The following NKAIN2 variants were observed in gnomAD, a reference collection of about 807,000 sequenced individuals.
The protein encoded by NKAIN2 is sodium/potassium transporting ATPase interacting 2, also known as sodium/potassium-transporting ATPase subunit beta-1-interacting protein 2.
In NKAIN2, 14 loss-of-function variants were observed where a neutral mutation model predicts 32.6. That is an observed-to-expected ratio of 0.43 (90% CI 0.28 to 0.67). The LOEUF (loss-of-function observed/expected upper bound fraction) is 0.67. Among genes scored for constraint, NKAIN2 ranks in the 30% least tolerant of loss-of-function variants. The pLI is 0.17. For synonymous variants in NKAIN2, 80 were observed against 87.2 expected, an observed-to-expected ratio of 0.92 and a Z score of 0.46; for missense variants, 198 against 258.3, an observed-to-expected ratio of 0.77 and a Z score of 1.60.
At chr6:123,984,137 C>T (rs969438764) in intron 1 of NKAIN2, among the ~76,000 whole-genome samples, 2 of 152,112 alleles carry the variant, frequency 1.3e-5, no homozygotes, top group East Asian at 1.9e-4. Flanking sequence ...AAACTCTTGA[C>T]CTCAGGTGAT....
rs189022204 is a variant in NKAIN2 at position 124,103,833 on chromosome 6, A to T, written c.55-179172A>T. 2.6e-5 allele frequency among the ~76,000 whole-genome samples: 4 copies of T among 152,260 alleles called. No homozygotes were observed. The South Asian group carries it at 6.2e-4, about 24-fold the overall frequency. On this transcript the variant is annotated intron_variant, in intron 1 of 6. Coordinates refer to ENST00000368417, the MANE Select transcript of NKAIN2 (RefSeq NM_001040214.3). The stretch of plus-strand genomic sequence containing the variant: ...CCGGGTGCGGTGGCTCATGCCTGTA[A>T]TCCCAGCACTTTGAGAGGCCGAGGT...
chr6:124,461,915 T>TAA (rs566132557), intron 3 of NKAIN2, among the ~76,000 whole-genome samples: 2 of 139,818 alleles, frequency 1.4e-5, no homozygotes, highest in Non-Finnish European at 3.2e-5. Context: ...TTGAGGTTAA[T>TAA]AAAAAAAAAA....
chr6:124,379,169 G>GA (rs1800135987), intron 3 of NKAIN2, among the ~76,000 whole-genome samples: 2 of 12,930 alleles, frequency 1.5e-4, no homozygotes, highest in Non-Finnish European at 1.7e-4. Flanking sequence ...GGAGGGGAGG[G>GA]AGGGAGGGAA....
At chr6:124,187,669 T>C (rs1789811597) in intron 1 of NKAIN2, among the ~76,000 whole-genome samples, 1 of 152,214 alleles carries the variant, frequency 6.6e-6, no homozygotes, top group African/African-American at 2.4e-5. Flanking sequence ...ATTCTCTGTC[T>C]ACCGTCCATT....
chr6:123,876,134 A>G (rs941770797), intron 1 of NKAIN2, among the ~76,000 whole-genome samples: 1 of 152,096 alleles, frequency 6.6e-6, no homozygotes, highest in Admixed American at 6.5e-5. Flanking sequence ...TTTCACTGGA[A>G]TTTCATTAAA....
intron 3 of NKAIN2, among the ~76,000 whole-genome samples, chr6:124,381,820 A>G (rs1415450568): frequency 6.6e-6 from 1 of 152,182 alleles, no homozygotes; most frequent in African/African-American, 2.4e-5. Flanking sequence ...TGTAAATGTT[A>G]CTTTTAAGCA....
chr6:124,430,843 C>A (rs1775187851), intron 3 of NKAIN2, among the ~76,000 whole-genome samples: 1 of 152,158 alleles, frequency 6.6e-6, no homozygotes, highest in African/African-American at 2.4e-5. Flanking sequence ...TATACATTTT[C>A]TAACACAGAG....
intron 3 of NKAIN2, among the ~76,000 whole-genome samples, chr6:124,396,914 TATTA>T (rs1234254849): frequency 6.6e-6 from 1 of 152,202 alleles, no homozygotes; most frequent in African/African-American, 2.4e-5. Flanking sequence ...TATGGAGAAG[TATTA>T]ATTATCATCA....
At chr6:124,607,796 G>A (rs1325765061) in intron 3 of NKAIN2, among the ~76,000 whole-genome samples, 1 of 151,922 alleles carries the variant, frequency 6.6e-6, no homozygotes, top group Non-Finnish European at 1.5e-5. Flanking sequence ...GTATTCAGTA[G>A]AAACTGTACT....
intron 1 of NKAIN2, among the ~76,000 whole-genome samples, chr6:123,818,622 C>T (rs376499630): frequency 5.3e-5 from 8 of 152,228 alleles, no homozygotes; most frequent in Admixed American, 1.3e-4. Context: ...TGATTTCCTT[C>T]GGTAACACTT....
At chr6:124,768,428 A>G (rs186745635) in intron 4 of NKAIN2, among the ~76,000 whole-genome samples, 4 of 152,130 alleles carry the variant, frequency 2.6e-5, no homozygotes, top group African/African-American at 9.7e-5. Flanking sequence ...CAAAACATCA[A>G]TCTAATCTGT....
chr6:124,392,111 T>C (rs1773168661), intron 3 of NKAIN2, among the ~76,000 whole-genome samples: 1 of 152,178 alleles, frequency 6.6e-6, no homozygotes, highest in Admixed American at 6.6e-5. Flanking sequence ...ATCACTATTA[T>C]ATATTTTTTT....
intron 1 of NKAIN2, among the ~76,000 whole-genome samples, chr6:124,082,139 GGTGGGCAACAGGAA>G (rs1405977187): frequency 2.0e-5 from 3 of 152,024 alleles, no homozygotes; most frequent in Admixed American, 1.3e-4. Context: ...ATAGCATGGT[GGTGGGCAACAGGAA>G]GGGAAGGGAG....
chr6:124,474,382 T>C (rs909027299), intron 3 of NKAIN2, among the ~76,000 whole-genome samples: 1 of 152,096 alleles, frequency 6.6e-6, no homozygotes, highest in Non-Finnish European at 1.5e-5. Context: ...CTGTTGGGAT[T>C]TGGCTATAGT....
chr6:124,455,823 A>T (rs1419763199), intron 3 of NKAIN2, among the ~76,000 whole-genome samples: 1 of 151,948 alleles, frequency 6.6e-6, no homozygotes, highest in Non-Finnish European at 1.5e-5. Context: ...ACATATATGC[A>T]CATATATCTA....
intron 1 of NKAIN2, among the ~76,000 whole-genome samples, chr6:123,965,786 C>T (rs1237327209): frequency 6.6e-6 from 1 of 152,160 alleles, no homozygotes; most frequent in Non-Finnish European, 1.5e-5. Context: ...GGATCCCTTC[C>T]TCCTTTGAAT....
At chr6:124,794,073 T>G (rs543212327) in intron 5 of NKAIN2, among the ~76,000 whole-genome samples, 2 of 152,320 alleles carry the variant, frequency 1.3e-5, no homozygotes, top group South Asian at 4.1e-4. Flanking sequence ...ATGAAATTCA[T>G]GTTCACTGTG....
chr6:124,557,436 A>G (rs1351219191), intron 3 of NKAIN2, among the ~76,000 whole-genome samples: 1 of 152,092 alleles, frequency 6.6e-6, no homozygotes, highest in Non-Finnish European at 1.5e-5. Context: ...TACTTTTCCA[A>G]TTGTGTTTGT....
At chr6:124,042,503 A>G (rs1366113522) in intron 1 of NKAIN2, among the ~76,000 whole-genome samples, 1 of 152,072 alleles carries the variant, frequency 6.6e-6, no homozygotes, top group African/African-American at 2.4e-5. Context: ...TGGCAAATAT[A>G]AATTGGCTTC....
Sources: allele counts gnomAD v4.1 joint callset (sites outside exome capture counted in the v4.1 genomes callset), GRCh38; gene constraint gnomAD v4.1.1; transcripts MANE v1.5; gene names NCBI Gene and HGNC (gene_info 2026-07-23, HGNC 2026-07-21).